Variants in PCDHGA11 observed in about 807,000 individuals in gnomAD.
PCDHGA11 encodes the protein protocadherin gamma subfamily A, 11.
In PCDHGA11, 39 loss-of-function variants were observed where a neutral mutation model predicts 60.4. The ratio of observed to expected loss-of-function variants is 0.65; its 90% confidence interval spans 0.50 to 0.84. The LOEUF (loss-of-function observed/expected upper bound fraction) is 0.84. Among genes scored for constraint, PCDHGA11 ranks in the 40% least tolerant of loss-of-function variants. The probability of loss-of-function intolerance (pLI) is 0.00; values close to 1 mark genes in which losing one functional copy is unlikely to be tolerated. For synonymous variants in PCDHGA11, 533 were observed against 510.3 expected (o/e 1.04, Z -0.60); for missense variants, 1,165 against 1,197.7 (o/e 0.97, Z 0.40).
In PCDHGA11 at chr5:141,491,219, C is replaced by T; in HGVS notation, c.2434-3588C>T. ...GGTGACCCTTCACTCTCCTCCACAG[C>T]CACAGTGCTGCTGGTTCTGGAGGAT... is the stretch of plus-strand genomic sequence containing the variant. On this transcript the variant is annotated intron_variant, in intron 1 of 3. Coordinates refer to ENST00000398587, the MANE Select transcript of PCDHGA11 (RefSeq NM_018914.3). The surrounding 1 kb of genome is among the most constrained non-coding windows in gnomAD (Gnocchi z 6.9). 3 of 1,614,208 alleles carry T rather than the reference C, an allele frequency of 1.9e-6. No homozygotes were observed. The highest frequency in any genetic ancestry group is 2.5e-6 in the Non-Finnish European group (3 of 1,180,028).
intron 1 of PCDHGA11, among the ~76,000 whole-genome samples, chr5:141,438,497 T>C (rs1274742357): frequency 6.7e-6 from 1 of 149,116 alleles, no homozygotes; most frequent in African/African-American, 2.5e-5. Flanking sequence ...GAAAAAAGAA[T>C]CATAGTGCAA....
At chr5:141,509,322 C>G (rs563556144) in intron 3 of PCDHGA11, among the ~76,000 whole-genome samples, 1 of 152,318 alleles carries the variant, frequency 6.6e-6, no homozygotes, top group East Asian at 1.9e-4. Flanking sequence ...GAGAGAAGCT[C>G]TACTGCCAGC....
chr5:141,422,477 A>G lies in PCDHGA11; in HGVS notation c.1250A>G (p.Gln417Arg), dbSNP rs1230502545. The G allele has an allele frequency of 1.2e-6, 2 of 1,613,904 alleles. No homozygotes were observed. Among genetic ancestry groups the G allele is most frequent in the Admixed American group, 1.7e-5 (1 of 60,000 alleles). ...AGAGTGCTGGACAGGGAGTTGGTCC[A>G]GAGCTACAATATAACGTTGACAGCC... Reference protein sequence around the residue: ...TSRVLDRELVQSYNITLTATD... With the variant: ...TSRVLDRELVRSYNITLTATD... The change falls in exon 1 of 4, where the codon CAG (glutamine) becomes CGG (arginine). Residue 417 changes from glutamine (Q) to arginine (R), a missense_variant. Transcript: ENST00000398587.
At position 141,489,088 on chromosome 5, in the gene PCDHGA11, GAC is replaced by G; in HGVS notation, c.2434-5718_2434-5717del. 5.8e-6 allele frequency: 2 copies of G among 347,236 alleles called. No homozygotes were observed. The highest frequency in any genetic ancestry group is 4.7e-5 in the East Asian group (1 of 21,502). The allele number at this position is 347,236 out of a possible 1,614,324, so 21.5% of individuals were successfully genotyped here. A position where few individuals can be genotyped will look rare whatever the true frequency, so the allele number is the denominator to read the frequency against. ...CCCCTGCCCACCCCCGCCACTCGGT[GAC>G]TAAGAACTGCTGCAAGCAGGCAAAC... On this transcript the variant is annotated intron_variant, in intron 1 of 3. Transcript: ENST00000398587. The surrounding 1 kb of genome is among the most constrained non-coding windows in gnomAD (Gnocchi z 4.5).
At chr5:141,463,460 T>TA (rs1554144871) in intron 1 of PCDHGA11, among the ~76,000 whole-genome samples, 2 of 136,122 alleles carry the variant, frequency 1.5e-5, no homozygotes, top group Non-Finnish European at 3.1e-5. Context: ...TTTTTTTTTT[T>TA]TTTTTTGAGA....
chr5:141,472,281 C>A (rs944776124), intron 1 of PCDHGA11, among the ~76,000 whole-genome samples: 2 of 152,202 alleles, frequency 1.3e-5, no homozygotes, highest in Non-Finnish European at 2.9e-5. Context: ...GTGGCTCACA[C>A]CTGTAATCCC....
At chr5:141,465,894 G>A (rs970043849) in intron 1 of PCDHGA11, among the ~76,000 whole-genome samples, 1 of 152,098 alleles carries the variant, frequency 6.6e-6, no homozygotes, top group Non-Finnish European at 1.5e-5. Flanking sequence ...AGGCCGAGGC[G>A]GGCAAATCAC....
chr5:141,477,258 C>A lies in PCDHGA11; in HGVS notation c.2434-17549C>A. ...TTGCTCAGTGTGACTGACCTGGATG[C>A]TGGCGAGAACGGGCTGGTGACCTGC... On this transcript the variant is annotated intron_variant, in intron 1 of 3. Coordinates refer to ENST00000398587, the MANE Select transcript of PCDHGA11 (RefSeq NM_018914.3). The surrounding 1 kb of genome is among the most constrained non-coding windows in gnomAD (Gnocchi z 4.9). 6.2e-7 allele frequency: 1 copy of A among 1,614,208 alleles called. No homozygotes were observed. Among genetic ancestry groups the A allele is most frequent in the Non-Finnish European group, 8.5e-7 (1 of 1,180,042 alleles).
rs759146011 is a variant in PCDHGA11, at chr5:141,477,635, G to A, written c.2434-17172G>A. 6.2e-7 allele frequency: 1 copy of A among 1,614,138 alleles called. No homozygotes were observed. The highest frequency in any genetic ancestry group is 8.5e-7 in the Non-Finnish European group (1 of 1,180,040). On this transcript the variant is annotated intron_variant, in intron 1 of 3. Coordinates refer to ENST00000398587, the MANE Select transcript of PCDHGA11 (RefSeq NM_018914.3). This position sits in a 1 kb window ranked among gnomAD's most constrained non-coding sequence, Gnocchi z 4.9. ...GCAAGGAGCTGAAACCGGGCTAGTG[G>A]GTCGCTATTTCACAATAAATCGTGA...
At position 141,421,125 on chromosome 5, in the gene PCDHGA11, C is replaced by G; in HGVS notation, c.-103C>G. 1 of 804,210 alleles carries G rather than the reference C, an allele frequency of 1.2e-6. No homozygotes were observed. The highest frequency in any genetic ancestry group is 3.0e-5 in the Admixed American group (1 of 32,850). 49.8% of individuals were successfully genotyped at this position (804,210 alleles called of 1,614,324 possible). ...ACTTAGAAGTATTTTCCTTCGCTTT[C>G]TGATATATTTTGGATGTAGTCGGCC... On this transcript the variant is annotated 5_prime_UTR_variant, in exon 1 of 4. Transcript: ENST00000398587.
intron 1 of PCDHGA11, chr5:141,428,270 C>T (rs1353416356): frequency 1.3e-6 from 1 of 778,952 alleles, no homozygotes. Flanking sequence ...AGTCCTGTGC[C>T]CTCTGATTCC....
Position 141,422,519 on chromosome 5 carries a change from C to T in PCDHGA11, c.1292C>T (p.Pro431Leu), listed in dbSNP as rs1297821851. 1 of 1,613,968 alleles carries T rather than the reference C, an allele frequency of 6.2e-7. No individual in the cohort carries two copies. Among genetic ancestry groups the T allele is most frequent in the African/African-American group, 1.3e-5 (1 of 75,028 alleles). Residue 431 changes from proline (P) to leucine (L), a missense_variant, in exon 1 of 4, where the codon CCG (proline) becomes CTG (leucine). Physicochemically the swap from Pro to Leu is moderately conservative, Grantham distance 98 (BLOSUM62 -3). Transcript: ENST00000398587. The part of the protein sequence containing the change: ...ITLTATDQGS[P>L]PLSAETHVWL... Reference sequence around the variant, plus strand: ...TTGACAGCCACAGACCAGGGAAGCCCGCCTTTGTCTGCAGAAACTCATGTC... The same window carrying T: ...TTGACAGCCACAGACCAGGGAAGCCTGCCTTTGTCTGCAGAAACTCATGTC...
In PCDHGA11 at chr5:141,431,931, C is replaced by T. The variant is rs2097430107; in HGVS notation, c.2433+8271C>T. ...ATCTGTTTCATCCAAGGAAATCTGCCCTTTAAATTAGAAAAATCTTACGGA... is the reference window on the plus strand; with the variant it reads ...ATCTGTTTCATCCAAGGAAATCTGCTCTTTAAATTAGAAAAATCTTACGGA... On this transcript the variant is annotated intron_variant, in intron 1 of 3. Transcript: ENST00000398587. This position sits in a 1 kb window ranked among gnomAD's most constrained non-coding sequence, Gnocchi z 4.8. The T allele has an allele frequency of 6.2e-7, 1 of 1,613,924 alleles. No homozygotes were observed. Among genetic ancestry groups the T allele is most frequent in the Admixed American group, 1.7e-5 (1 of 59,986 alleles).
chr5:141,479,767 C>G (rs2099505975), intron 1 of PCDHGA11: 1 of 152,174 alleles, frequency 6.6e-6, no homozygotes, highest in African/African-American at 2.4e-5. Flanking sequence ...AAATTCATAT[C>G]CTTAGACAGG....
chr5:141,491,884 G>C lies in PCDHGA11; in HGVS notation c.2434-2923G>C, dbSNP rs745931108. 5.0e-5 allele frequency: 73 copies of C among 1,446,372 alleles called. No homozygotes were observed. The highest frequency in any genetic ancestry group is 6.3e-5 in the Non-Finnish European group (69 of 1,094,334). The allele number at this position is 1,446,372 out of a possible 1,614,324, so 89.6% of individuals were successfully genotyped here. A position where few individuals can be genotyped will look rare whatever the true frequency, so the allele number is the denominator to read the frequency against. On this transcript the variant is annotated intron_variant, in intron 1 of 3. Coordinates refer to ENST00000398587, the MANE Select transcript of PCDHGA11 (RefSeq NM_018914.3). The surrounding 1 kb of genome is among the most constrained non-coding windows in gnomAD (Gnocchi z 6.9). The stretch of plus-strand genomic sequence containing the variant: ...AACCAGAGTGGCCGATTAAGGGATG[G>C]GGCTCCGAGCACCGGGGGTGGTGGC...
At chr5:141,474,002 G>A (rs1020912365) in intron 1 of PCDHGA11, among the ~76,000 whole-genome samples, 5 of 152,078 alleles carry the variant, frequency 3.3e-5, no homozygotes, top group Non-Finnish European at 5.9e-5. Context: ...CCAAGGAGCT[G>A]GAAGTTACAG....
chr5:141,454,272 A>G (rs1226625529), intron 1 of PCDHGA11, among the ~76,000 whole-genome samples: 1 of 152,200 alleles, frequency 6.6e-6, no homozygotes, highest in Non-Finnish European at 1.5e-5. Context: ...ATGCCAGCAA[A>G]AACTTCACAT....
Position 141,421,404 on chromosome 5 carries a change from G to A in PCDHGA11, c.177G>A (p.Glu59=). The A allele has an allele frequency of 1.1e-5, 17 of 1,614,080 alleles. No homozygotes were observed. The highest frequency in any genetic ancestry group is 1.4e-5 in the Non-Finnish European group (17 of 1,179,922). Reference sequence around the variant, plus strand: ...AGGACCTGGGGCTGGAGCCCCGGGAGCTGGCGAAGCGCGGAGTCCGCATCG... The same window carrying A: ...AGGACCTGGGGCTGGAGCCCCGGGAACTGGCGAAGCGCGGAGTCCGCATCG... The part of the protein sequence containing the change: ...ISKDLGLEPR[E]LAKRGVRIVS... Residue 59 remains glutamate (E), a synonymous_variant, in exon 1 of 4, where the codon GAG becomes GAA. Transcript: ENST00000398587.
chr5:141,421,477 A>G lies in PCDHGA11; in HGVS notation c.250A>G (p.Ser84Gly), dbSNP rs755936665. The change falls in exon 1 of 4, where the codon AGC (serine) becomes GGC (glycine). Residue 84 changes from serine to glycine, a missense_variant. Coordinates refer to ENST00000398587, the MANE Select transcript of PCDHGA11 (RefSeq NM_018914.3). The stretch of plus-strand genomic sequence containing the variant: ...TTTCGCTGTGAATCCGCGAAGCGGC[A>G]GCTTGATCACGGCAGGCAGGATAGA... The part of the protein sequence containing the change: ...QLFAVNPRSG[S>G]LITAGRIDRE... 23 of 1,614,022 alleles carry G rather than the reference A, an allele frequency of 1.4e-5. No homozygotes were observed. Among genetic ancestry groups the G allele is most frequent in the Non-Finnish European group, 1.7e-6 (2 of 1,179,970 alleles).
Sources: allele counts gnomAD v4.1 joint callset (sites outside exome capture counted in the v4.1 genomes callset), GRCh38; gene constraint gnomAD v4.1.1; non-coding constraint Gnocchi (gnomAD v3.1); transcripts MANE v1.5; gene names NCBI Gene and HGNC (gene_info 2026-07-23, HGNC 2026-07-21).